CHN2: variants seen among roughly 807,000 people sequenced by gnomAD.
CHN2 encodes chimerin 2.
In CHN2, 35 loss-of-function variants were observed where a neutral mutation model predicts 56.3. That is an observed-to-expected ratio of 0.62 (90% CI 0.47 to 0.82). The LOEUF (loss-of-function observed/expected upper bound fraction) is 0.82, where lower values mean the gene tolerates loss of function less well. CHN2 is among the 40% of genes least tolerant of loss of function. The probability of loss-of-function intolerance (pLI) is 0.00; values close to 1 mark genes in which losing one functional copy is unlikely to be tolerated. For synonymous variants in CHN2, 210 were observed against 212.8 expected, an observed-to-expected ratio of 0.99 and a Z score of 0.12; for missense variants, 491 against 580.5, an observed-to-expected ratio of 0.85 and a Z score of 1.58.
chr7:29,327,419 G>A, intron 1 of CHN2, among the ~76,000 whole-genome samples: 1 of 152,166 alleles, frequency 6.6e-6, no homozygotes. Context: ...AGGGACTTCG[G>A]TTTTGCTTCT....
chr7:29,426,406 T>G (rs2128109729), intron 6 of CHN2, among the ~76,000 whole-genome samples: 1 of 152,266 alleles, frequency 6.6e-6, no homozygotes, highest in South Asian at 2.1e-4. Context: ...GATTTGAGTT[T>G]CTTTTACGTA....
rs1562608327 is a variant in CHN2 at position 29,440,122 on chromosome 7, C to T, written c.576+39294C>T. On this transcript the variant is annotated intron_variant, in intron 6 of 12. Transcript: ENST00000222792. ...AAATTTATGTACACATTGAACACAA[C>T]TCCAAATTCTGAAAAACAACAAATT... 3.3e-5 allele frequency among the ~76,000 whole-genome samples: 5 copies of T among 152,206 alleles called. No individual in the cohort carries two copies. In the South Asian group the frequency reaches 6.2e-4, roughly 19 times the overall value.
intron 9 of CHN2, among the ~76,000 whole-genome samples, chr7:29,504,320 T>C (rs540350027): frequency 1.3e-5 from 2 of 152,306 alleles, no homozygotes; most frequent in East Asian, 1.9e-4. Flanking sequence ...ATATCTCATA[T>C]ACCCCATAAA....
rs528909552 is a variant in CHN2, at chr7:29,433,176, T to C, written c.576+32348T>C. Among the ~76,000 whole-genome samples the C allele has an allele frequency of 8.5e-4, 129 of 152,322 alleles. 2 individuals are homozygous for C. The South Asian group carries it at 0.011, about 13-fold the overall frequency. ...CATGCCGTGGGGGGAGATTTTTTTTTGTTACACTTTGGCAAAAAGTGATGT... is the reference window on the plus strand; with the variant it reads ...CATGCCGTGGGGGGAGATTTTTTTTCGTTACACTTTGGCAAAAAGTGATGT... On this transcript the variant is annotated intron_variant, in intron 6 of 12. Transcript: ENST00000222792.
intron 1 of CHN2, among the ~76,000 whole-genome samples, chr7:29,229,748 C>T (rs1204899763): frequency 1.3e-5 from 2 of 152,072 alleles, no homozygotes; most frequent in South Asian, 2.1e-4. Flanking sequence ...TTCTAGAGGG[C>T]GGGAAGATTG....
intron 1 of CHN2, among the ~76,000 whole-genome samples, chr7:29,330,901 G>A (rs1205591480): frequency 3.3e-5 from 5 of 152,184 alleles, no homozygotes; most frequent in Admixed American, 2.6e-4. Context: ...TAGGTAGTAC[G>A]TAGCAAGGAT....
At position 29,473,482 on chromosome 7, in the gene CHN2, T is replaced by TTTTTGTG. The variant is rs539151442; in HGVS notation, c.577-6796_577-6795insTTTGTGT. Among the ~76,000 whole-genome samples the TTTTTGTG allele has an allele frequency of 3.6e-3, 422 of 118,174 alleles. 3 individuals are homozygous for TTTTTGTG. Among genetic ancestry groups the TTTTTGTG allele is most frequent in the East Asian group, 0.018 (77 of 4,376 alleles). 77.5% of individuals were successfully genotyped at this position (118,174 alleles called of 152,430 possible). On this transcript the variant is annotated intron_variant, in intron 6 of 12. Transcript: ENST00000222792. Reference sequence around the variant, plus strand: ...TGTGTGTGTTTGTGTTTTTTTTTTTTTGTGTGTGTGTGTGTGTGTGTGTGT... The same window carrying TTTTTGTG: ...TGTGTGTGTTTGTGTTTTTTTTTTTTTTTTGTGTGTGTGTGTGTGTGTGTGTGTGTGT...
At chr7:29,266,540 G>A (rs1366490458) in intron 1 of CHN2, among the ~76,000 whole-genome samples, 4 of 152,158 alleles carry the variant, frequency 2.6e-5, no homozygotes. Flanking sequence ...TTTATTGATC[G>A]TTTATGAGCA....
At chr7:29,257,487 A>G (rs1436541244) in intron 1 of CHN2, among the ~76,000 whole-genome samples, 1 of 152,070 alleles carries the variant, frequency 6.6e-6, no homozygotes, top group Non-Finnish European at 1.5e-5. Context: ...CCATCCCTTC[A>G]TCTTTTCTCC....
intron 1 of CHN2, among the ~76,000 whole-genome samples, chr7:29,270,340 A>G (rs1236176310): frequency 6.6e-6 from 1 of 152,000 alleles, no homozygotes; most frequent in Non-Finnish European, 1.5e-5. Context: ...TGCATTCATG[A>G]TTTTCAATTT....
chr7:29,484,500 GTTCT>G (rs1261860539), intron 7 of CHN2, among the ~76,000 whole-genome samples: 1 of 152,102 alleles, frequency 6.6e-6, no homozygotes, highest in Non-Finnish European at 1.5e-5. Context: ...AGTCCTTGGC[GTTCT>G]TTGTCTTGTA....
chr7:29,242,391 T>C (rs1288365565), intron 1 of CHN2, among the ~76,000 whole-genome samples: 1 of 152,150 alleles, frequency 6.6e-6, no homozygotes, highest in Admixed American at 6.5e-5. Context: ...CAAAGGGCAA[T>C]GGGAGCTGCA....
At chr7:29,253,413 A>G (rs1238697777) in intron 1 of CHN2, among the ~76,000 whole-genome samples, 1 of 152,206 alleles carries the variant, frequency 6.6e-6, no homozygotes, top group Non-Finnish European at 1.5e-5. Flanking sequence ...CTGAATTCTT[A>G]TTGGACAGAA....
intron 3 of CHN2, among the ~76,000 whole-genome samples, chr7:29,389,052 T>C (rs891378128): frequency 1.3e-5 from 2 of 152,188 alleles, no homozygotes; most frequent in Non-Finnish European, 2.9e-5. Flanking sequence ...TCAGAGCGTG[T>C]TGGGAACGTC....
At chr7:29,436,643 C>T (rs1398089330) in intron 6 of CHN2, among the ~76,000 whole-genome samples, 1 of 152,030 alleles carries the variant, frequency 6.6e-6, no homozygotes, top group Non-Finnish European at 1.5e-5. Context: ...GGTGACACCC[C>T]CCAAAAAAGT....
chr7:29,407,264 A>G (rs1171102802), intron 6 of CHN2, among the ~76,000 whole-genome samples: 1 of 152,156 alleles, frequency 6.6e-6, no homozygotes. Flanking sequence ...TTCAGCAGCT[A>G]TCTTAGAGTT....
intron 12 of CHN2, 69 bp from the exon 13 acceptor site, chr7:29,512,495 A>C (rs1008108581): frequency 3.6e-5 from 50 of 1,376,476 alleles, no homozygotes; most frequent in Non-Finnish European, 3.7e-5. Context: ...GGACTTACAT[A>C]CATAATCAAT....
intron 1 of CHN2, among the ~76,000 whole-genome samples, chr7:29,264,651 A>G (rs1174693707): frequency 6.6e-6 from 1 of 151,892 alleles, no homozygotes; most frequent in Non-Finnish European, 1.5e-5. Flanking sequence ...CCTAATCTCA[A>G]CTACCCAGGG....
At chr7:29,450,795 TG>T in intron 6 of CHN2, among the ~76,000 whole-genome samples, 1 of 151,990 alleles carries the variant, frequency 6.6e-6, no homozygotes, top group Non-Finnish European at 1.5e-5. Flanking sequence ...TTTTTTGAGA[TG>T]GAGTCTTGCC....
Sources: gnomAD v4.1 joint callset for allele counts (sites outside exome capture counted in the v4.1 genomes callset) on GRCh38, gnomAD v4.1.1 for gene constraint, MANE v1.5 for transcripts, NCBI Gene and HGNC (gene_info 2026-07-23, HGNC 2026-07-21) for gene names.